HTR1D: variants seen among roughly 807,000 people sequenced by gnomAD.
The protein encoded by HTR1D is 5-hydroxytryptamine receptor 1D.
HTR1D carries 18 observed loss-of-function variants against 21.1 expected under a neutral mutation model. The observed-to-expected ratio is 0.85, with a 90% confidence interval of 0.59 to 1.27. The LOEUF (loss-of-function observed/expected upper bound fraction) is 1.27. Among genes scored for constraint, HTR1D ranks in the 50% most tolerant of loss-of-function variants. The probability of loss-of-function intolerance (pLI) is 0.00; values close to 1 mark genes in which losing one functional copy is unlikely to be tolerated. For synonymous variants in HTR1D, 196 were observed against 204.4 expected (o/e 0.96, Z 0.35); for missense variants, 456 against 481.4 (o/e 0.95, Z 0.49).
intron 1 of HTR1D, among the ~76,000 whole-genome samples, chr1:23,201,296 A>C (rs2148240325): frequency 6.6e-6 from 1 of 152,294 alleles, no homozygotes; most frequent in South Asian, 2.1e-4. Flanking sequence ...AAGGTAAACA[A>C]AAAGCAGGTC....
At chr1:23,204,003 C>T (rs114046937) in intron 1 of HTR1D, among the ~76,000 whole-genome samples, 24,187 of 152,180 alleles carry the variant, frequency 0.16, 2,132 homozygotes, top group Middle Eastern at 0.27. Context: ...AAAAAATTAG[C>T]GCTTGCCTAC....
chr1:23,196,528 A>T (rs957614544), intron 1 of HTR1D, among the ~76,000 whole-genome samples: 1 of 151,150 alleles, frequency 6.6e-6, no homozygotes, highest in African/African-American at 2.4e-5. Context: ...GTGCTTCATT[A>T]AAAAAAAATC....
In HTR1D at chr1:23,193,898, G is replaced by A; in HGVS notation, c.322C>T (p.Gln108Ter). ...GACAGCCAGATGTCACACAAGATTT[G>A]GCCAAAGTTCCAGGTGTGGGTGATG... is the stretch of plus-strand genomic sequence containing the variant. ...YTITHTWNFG[Q>*]ILCDIWLSSD... is the part of the protein sequence containing the mutation. The change falls in exon 2 of 2, where the codon CAA (glutamine) becomes TAA (stop). Residue 108 changes from glutamine (Q) to a stop codon, truncating the protein, a stop_gained. Coordinates refer to ENST00000374619, the MANE Select transcript of HTR1D (RefSeq NM_000864.5). LOFTEE classifies it high-confidence loss of function. The A allele has an allele frequency of 6.2e-7, 1 of 1,614,226 alleles. No individual in the cohort carries two copies. Among genetic ancestry groups the A allele is most frequent in the East Asian group, 2.2e-5 (1 of 44,890 alleles).
At chr1:23,207,934 T>C (rs1644738465) in intron 1 of HTR1D, among the ~76,000 whole-genome samples, 1 of 152,032 alleles carries the variant, frequency 6.6e-6, no homozygotes, top group South Asian at 2.1e-4. Context: ...CTAAATTTTG[T>C]ATGTTTTTAG....
intron 1 of HTR1D, among the ~76,000 whole-genome samples, chr1:23,206,927 G>A (rs938242308): frequency 6.6e-6 from 1 of 152,136 alleles, no homozygotes; most frequent in African/African-American, 2.4e-5. Flanking sequence ...CAGAGCACAC[G>A]CCTGAGAGGC....
At chr1:23,199,056 C>T (rs1569757537) in intron 1 of HTR1D, among the ~76,000 whole-genome samples, 4 of 151,548 alleles carry the variant, frequency 2.6e-5, no homozygotes, top group South Asian at 4.2e-4. Context: ...GATGGGGTTT[C>T]GCCATGTTGG....
intron 1 of HTR1D, among the ~76,000 whole-genome samples, chr1:23,211,296 A>C (rs1481232380): frequency 6.6e-6 from 1 of 152,120 alleles, no homozygotes; most frequent in Admixed American, 6.6e-5. Context: ...AGGACTTACA[A>C]TGGCCCTGGG....
At position 23,213,411 on chromosome 1, in the gene HTR1D, C is replaced by T. The variant is rs141672273; in HGVS notation, c.-783+3880G>A. ...AGGAGAATCGCTTGAGCCTGTGAGA[C>T]AGAGGTTGCAGTGAGCTGAAATCGC... On this transcript the variant is annotated intron_variant, in intron 1 of 1. Coordinates refer to ENST00000374619, the MANE Select transcript of HTR1D (RefSeq NM_000864.5). 2.4e-3 allele frequency among the ~76,000 whole-genome samples: 365 copies of T among 152,224 alleles called. 2 individuals carry two copies. Among genetic ancestry groups the T allele is most frequent in the African/African-American group, 8.6e-3 (357 of 41,548 alleles).
At chr1:23,214,298 G>A (rs1012462353) in intron 1 of HTR1D, among the ~76,000 whole-genome samples, 13 of 151,984 alleles carry the variant, frequency 8.6e-5, no homozygotes, top group South Asian at 2.1e-4. Context: ...ATGATGGTGC[G>A]TGCCTGTAGT....
chr1:23,201,326 A>G (rs74934021), intron 1 of HTR1D, among the ~76,000 whole-genome samples: 1 of 152,174 alleles, frequency 6.6e-6, no homozygotes, highest in East Asian at 1.9e-4. Flanking sequence ...GGGCAGGAGA[A>G]TGGAGCAGAG....
chr1:23,194,484 A>C lies in HTR1D; in HGVS notation c.-265T>G. 1 of 232,110 alleles carries C rather than the reference A, an allele frequency of 4.3e-6. No homozygotes were observed. The highest frequency in any genetic ancestry group is 9.1e-6 in the Non-Finnish European group (1 of 109,692). The allele number at this position is 232,110 out of a possible 1,614,324, so 14.4% of individuals were successfully genotyped here. A position where few individuals can be genotyped will look rare whatever the true frequency, so the allele number is the denominator to read the frequency against. On this transcript the variant is annotated 5_prime_UTR_variant, in exon 2 of 2. Coordinates refer to ENST00000374619, the MANE Select transcript of HTR1D (RefSeq NM_000864.5). ...GAGACAACTACCAGCTGGTAGTTAA[A>C]GGTCTTTCCTAAACCACAGGAATCC...
intron 1 of HTR1D, among the ~76,000 whole-genome samples, chr1:23,198,895 A>C (rs1644699574): frequency 6.6e-6 from 1 of 152,216 alleles, no homozygotes; most frequent in Admixed American, 6.5e-5. Flanking sequence ...AGGGTTTTAA[A>C]AGTTTCAATT....
rs918533557 is a variant in HTR1D at position 23,192,986 on chromosome 1, A to C, written c.*100T>G. The C allele has an allele frequency of 8.2e-6, 6 of 733,140 alleles. No individual in the cohort carries two copies. The highest frequency in any genetic ancestry group is 2.5e-4 in the Middle Eastern group (1 of 4,020). 45.4% of individuals were successfully genotyped at this position (733,140 alleles called of 1,614,324 possible). On this transcript the variant is annotated 3_prime_UTR_variant, in exon 2 of 2. Transcript: ENST00000374619. ...TGATTGAACCAAGACTCAAGATACC[A>C]TGAATTAATCCAAGTCTCAGAAAAT...
chr1:23,199,488 T>TGGCACAG (rs1369339318), intron 1 of HTR1D, among the ~76,000 whole-genome samples: 2 of 125,850 alleles, frequency 1.6e-5, no homozygotes, highest in Non-Finnish European at 3.2e-5. Context: ...CCAGATATAG[T>TGGCACAG]GGCACAGTCA....
rs1644678245 is a variant in HTR1D at position 23,194,660 on chromosome 1, T to G, written c.-441A>C. ...TTGGCATCTGGCTCTTTTCAAAGCT[T>G]GAGACATTCGTGTGTTTAATGAGAA... is the stretch of plus-strand genomic sequence containing the variant. On this transcript the variant is annotated 5_prime_UTR_variant, in exon 2 of 2. Transcript: ENST00000374619. 6.0e-6 allele frequency: 1 copy of G among 168,040 alleles called. No individual in the cohort carries two copies. The highest frequency in any genetic ancestry group is 1.5e-5 in the Non-Finnish European group (1 of 68,836). The allele number at this position is 168,040 out of a possible 1,614,324, so 10.4% of individuals were successfully genotyped here.
At chr1:23,209,929 C>A (rs1265997243) in intron 1 of HTR1D, among the ~76,000 whole-genome samples, 2 of 152,150 alleles carry the variant, frequency 1.3e-5, no homozygotes, top group African/African-American at 4.8e-5. Flanking sequence ...TGAGCAGGCC[C>A]TCTCTCTGAC....
chr1:23,213,721 A>C (rs979639018), intron 1 of HTR1D, among the ~76,000 whole-genome samples: 4 of 151,970 alleles, frequency 2.6e-5, no homozygotes, highest in Non-Finnish European at 5.9e-5. Flanking sequence ...CTGCTTTCTA[A>C]ATTTTTTTTG....
intron 1 of HTR1D, among the ~76,000 whole-genome samples, chr1:23,205,095 C>G (rs1644724793): frequency 3.3e-5 from 5 of 152,128 alleles, no homozygotes; most frequent in Admixed American, 3.3e-4. Flanking sequence ...TTGCAACTAC[C>G]TGGATGAAAC....
Position 23,196,925 on chromosome 1 carries a change from C to T in HTR1D, c.-782-1924G>A, listed in dbSNP as rs569734357. On this transcript the variant is annotated intron_variant, in intron 1 of 1. Transcript: ENST00000374619. Reference sequence around the variant, plus strand: ...CCCTCCTGCCCCCACTCGCCCCAGGCTCCACCCCAAAAGCCTCCGGCTGAA... The same window carrying T: ...CCCTCCTGCCCCCACTCGCCCCAGGTTCCACCCCAAAAGCCTCCGGCTGAA... Among the ~76,000 whole-genome samples the T allele has an allele frequency of 2.6e-5, 4 of 152,136 alleles. No individual in the cohort carries two copies. In the South Asian group the frequency reaches 8.3e-4, roughly 32 times the overall value.
Sources: allele counts gnomAD v4.1 joint callset (sites outside exome capture counted in the v4.1 genomes callset), GRCh38; gene constraint gnomAD v4.1.1; transcripts MANE v1.5; gene names NCBI Gene and HGNC (gene_info 2026-07-23, HGNC 2026-07-21).